Variants in CPA5 observed in about 807,000 individuals in gnomAD.
The protein encoded by CPA5 is carboxypeptidase A5, also known as testicular tissue protein Li 32.
A neutral mutation model predicts 52.2 loss-of-function variants in CPA5; 38 were observed. The ratio of observed to expected loss-of-function variants is 0.73; its 90% CI spans 0.56 to 0.95. CPA5 has a LOEUF of 0.95. CPA5 is among the 40% of genes least tolerant of loss of function. The pLI is 0.00. For synonymous variants in CPA5, 198 were observed against 213.7 expected (o/e 0.93, Z 0.64); for missense variants, 519 against 566.7 (o/e 0.92, Z 0.86).
chr7:130,351,996 C>T (rs1554404064), intron 5 of CPA5, among the ~76,000 whole-genome samples: 1 of 152,144 alleles, frequency 6.6e-6, no homozygotes, highest in African/African-American at 2.4e-5. Flanking sequence ...TGTCAATCTT[C>T]CTACCCCAGT....
intron 9 of CPA5, 144 bp downstream of exon 9, chr7:130,363,138 C>T: frequency 1.6e-6 from 1 of 620,594 alleles, no homozygotes; most frequent in Non-Finnish European, 2.8e-6. Flanking sequence ...GGTACTGCAC[C>T]TGCAGCCTCT....
In CPA5 at chr7:130,347,832, C is replaced by T; in HGVS notation, c.183C>T (p.Gly61=). The T allele has an allele frequency of 6.2e-7, 1 of 1,613,974 alleles. No individual in the cohort carries two copies. Among genetic ancestry groups the T allele is most frequent in the Non-Finnish European group, 8.5e-7 (1 of 1,179,894 alleles). The change falls in exon 4 of 13, where the codon GGC becomes GGT. Residue 61 remains glycine (G), a synonymous_variant. Coordinates refer to ENST00000474905, the MANE Select transcript of CPA5 (RefSeq NM_080385.5). ...KQLSLLGDLE[G]LKPQKVDFWR... ...TTTCACTTCTCGGGGATCTGGAGGG[C>T]CTGAAACCCCAGAAGGTGAGGACTC...
At chr7:130,358,125 T>C (rs1437853756) in intron 5 of CPA5, among the ~76,000 whole-genome samples, 3 of 152,098 alleles carry the variant, frequency 2.0e-5, no homozygotes, top group South Asian at 2.1e-4. Context: ...CTTAAGTAGA[T>C]GGGACTGCGG....
chr7:130,369,579 C>T (rs1209848033), downstream of CPA5, among the ~76,000 whole-genome samples: 1 of 152,072 alleles, frequency 6.6e-6, no homozygotes, highest in Admixed American at 6.5e-5. Flanking sequence ...AAACATTAGT[C>T]GTGAGAGCAA....
At chr7:130,351,184 T>C (rs1375616963) in intron 5 of CPA5, among the ~76,000 whole-genome samples, 1 of 151,254 alleles carries the variant, frequency 6.6e-6, no homozygotes, top group African/African-American at 2.4e-5. Context: ...CGTGTGGGGG[T>C]GGGATATTTC....
At chr7:130,373,725 G>A (rs1285508893), downstream of CPA5, among the ~76,000 whole-genome samples, 1 of 152,264 alleles carries the variant, frequency 6.6e-6, no homozygotes, top group East Asian at 1.9e-4. Context: ...AGAAGGCCCA[G>A]GCAGCCGGTC....
At chr7:130,350,236 G>A (rs778558581) in intron 5 of CPA5, 127 bp downstream of exon 5, 1 of 1,028,934 alleles carries the variant, frequency 9.7e-7, no homozygotes, top group Non-Finnish European at 1.4e-6. Context: ...GCGTGTTTGT[G>A]AACATGCTGT....
intron 10 of CPA5, 33 bp from the exon 11 acceptor site, chr7:130,367,339 T>C: frequency 6.2e-7 from 1 of 1,604,408 alleles, no homozygotes; most frequent in Non-Finnish European, 8.5e-7. Flanking sequence ...ACGTGGGGAT[T>C]TGACTCTTTG....
At chr7:130,346,134 G>A (rs1040309961) in intron 2 of CPA5, among the ~76,000 whole-genome samples, 1 of 152,228 alleles carries the variant, frequency 6.6e-6, no homozygotes, top group East Asian at 1.9e-4. Context: ...GAGGAGGGAG[G>A]AAAGGAGGGG....
chr7:130,362,160 G>A (rs1554406817), intron 7 of CPA5, among the ~76,000 whole-genome samples: 1 of 152,168 alleles, frequency 6.6e-6, no homozygotes, highest in African/African-American at 2.4e-5. Flanking sequence ...GCCCATTAGA[G>A]TTTGAGAAAC....
At chr7:130,348,443 C>T (rs782768810) in intron 4 of CPA5, among the ~76,000 whole-genome samples, 6 of 152,172 alleles carry the variant, frequency 3.9e-5, no homozygotes, top group Admixed American at 6.5e-5. Flanking sequence ...AGTGTCCCGT[C>T]GACTGGGACT....
the CPA5 span, among the ~76,000 whole-genome samples, chr7:130,374,318 T>C: frequency 6.6e-6 from 1 of 152,166 alleles, no homozygotes; most frequent in Non-Finnish European, 1.5e-5. Context: ...CTTGGTTGAC[T>C]GAGGTTCTTC....
chr7:130,351,728 G>A (rs781806450), intron 5 of CPA5, among the ~76,000 whole-genome samples: 8 of 152,196 alleles, frequency 5.3e-5, no homozygotes, highest in East Asian at 1.9e-4. Flanking sequence ...AACAGGACGG[G>A]AAGAGCTTTG....
intron 5 of CPA5, 80 bp from the exon 6 acceptor site, chr7:130,359,509 C>A: frequency 1.1e-6 from 1 of 946,190 alleles, no homozygotes; most frequent in Non-Finnish European, 1.6e-6. Context: ...TTATGCACAG[C>A]CAGTGGAGGC....
At chr7:130,347,280 T>C (rs1026234645) in intron 3 of CPA5, among the ~76,000 whole-genome samples, 2 of 152,200 alleles carry the variant, frequency 1.3e-5, no homozygotes, top group African/African-American at 4.8e-5. Flanking sequence ...GCTTCCTCCA[T>C]GTCAGGTGGG....
At chr7:130,366,605 C>A (rs1376642840) in intron 10 of CPA5, among the ~76,000 whole-genome samples, 1 of 152,242 alleles carries the variant, frequency 6.6e-6, no homozygotes, top group Non-Finnish European at 1.5e-5. Flanking sequence ...CTTCTTTGCA[C>A]CTCTGGCTCC....
At chr7:130,353,985 C>T (rs1039993783) in intron 5 of CPA5, among the ~76,000 whole-genome samples, 3 of 152,154 alleles carry the variant, frequency 2.0e-5, no homozygotes, top group African/African-American at 7.2e-5. Context: ...TGCAGTGGCA[C>T]GATCATGGCT....
intron 5 of CPA5, among the ~76,000 whole-genome samples, chr7:130,355,078 G>C (rs1205712007): frequency 6.8e-6 from 1 of 146,778 alleles, no homozygotes; most frequent in Non-Finnish European, 1.5e-5. Context: ...GACAGAAGAA[G>C]AGGACCCAGG....
intron 2 of CPA5, among the ~76,000 whole-genome samples, 196 bp downstream of exon 2, chr7:130,346,092 C>T (rs4728194): frequency 1.3e-5 from 2 of 151,942 alleles, no homozygotes; most frequent in East Asian, 1.9e-4. Flanking sequence ...GTGGGCTAGG[C>T]GGAGAAGAAG....
Sources: gnomAD v4.1 joint callset for allele counts (sites outside exome capture counted in the v4.1 genomes callset) on GRCh38, gnomAD v4.1.1 for gene constraint, MANE v1.5 for transcripts, NCBI Gene and HGNC (gene_info 2026-07-23, HGNC 2026-07-21) for gene names.